Variants in RANBP2 observed in about 807,000 individuals in gnomAD.
RANBP2 encodes RAN binding protein 2, also known as E3 SUMO-protein ligase RanBP2.
A neutral mutation model predicts 303.6 loss-of-function variants in RANBP2; 57 were observed. The observed-to-expected ratio is 0.19, with a 90% CI of 0.15 to 0.23. The LOEUF is 0.23. Among genes scored for constraint, RANBP2 ranks in the 10% least tolerant of loss-of-function variants. The probability of loss-of-function intolerance (pLI) is 1.00; values close to 1 mark genes in which losing one functional copy is unlikely to be tolerated. For synonymous variants in RANBP2, 1,167 were observed against 1,301.5 expected (o/e 0.90, Z 2.23); for missense variants, 3,138 against 3,780.8 (o/e 0.83, Z 4.46).
the RANBP2 span, among the ~76,000 whole-genome samples, chr2:109,579,947 C>G: frequency 0.13 from 20,402 of 151,374 alleles, 1,849 homozygotes; most frequent in African/African-American, 0.26. Flanking sequence ...ATGGTGAAAC[C>G]CTGTCTCTAC....
chr2:108,727,617 T>C (rs1259702229), intron 1 of RANBP2, among the ~76,000 whole-genome samples: 2 of 150,966 alleles, frequency 1.3e-5, no homozygotes, highest in Non-Finnish European at 3.0e-5. Context: ...TTTTTTTTTT[T>C]TTTTTTGAGA....
At chr2:109,430,666 G>A in the RANBP2 span, among the ~76,000 whole-genome samples, 1 of 152,152 alleles carries the variant, frequency 6.6e-6, no homozygotes, top group Admixed American at 6.5e-5. Flanking sequence ...TTCCCTTAGT[G>A]GTATTTCCTC....
At position 108,764,181 on chromosome 2, in the gene RANBP2, T is replaced by G; in HGVS notation, c.3642T>G (p.Arg1214=). The G allele has an allele frequency of 6.2e-7, 1 of 1,614,058 alleles. No individual in the cohort carries two copies. Among genetic ancestry groups the G allele is most frequent in the Non-Finnish European group, 8.5e-7 (1 of 1,179,968 alleles). ...TAGAATCCAAAGAATGGAAAGAACG[T>G]GGGATTGGCAATGTAAAAATACTGA... is the stretch of plus-strand genomic sequence containing the variant. The part of the protein sequence containing the change: ...FDVESKEWKE[R]GIGNVKILRH... Residue 1214 remains arginine (R), a synonymous_variant, in exon 20 of 29, where the codon CGT becomes CGG. Transcript: ENST00000283195.
the RANBP2 span, among the ~76,000 whole-genome samples, chr2:109,557,645 G>A: frequency 6.6e-6 from 1 of 152,070 alleles, no homozygotes; most frequent in Non-Finnish European, 1.5e-5. Flanking sequence ...AAACTTACAA[G>A]GCCAATTTCA....
the RANBP2 span, chr2:109,501,364 AATAAAG>A: frequency 2.0e-6 from 1 of 507,786 alleles, no homozygotes; most frequent in East Asian, 2.9e-5. Context: ...AAAAATTAAA[AATAAAG>A]ATAAATAGAA....
the RANBP2 span, among the ~76,000 whole-genome samples, chr2:109,537,762 G>C: frequency 6.6e-6 from 1 of 151,962 alleles, no homozygotes; most frequent in Non-Finnish European, 1.5e-5. Context: ...CCTGGGCAAC[G>C]GGGCGAAACC....
At chr2:109,098,909 T>C in the RANBP2 span, among the ~76,000 whole-genome samples, 2 of 152,206 alleles carry the variant, frequency 1.3e-5, no homozygotes, top group Non-Finnish European at 1.5e-5. Context: ...AGTTGTGAAG[T>C]TGTAGATTGC....
chr2:108,751,737 A>G (rs1422726780), intron 11 of RANBP2, 34 bp downstream of exon 11: 1 of 1,611,576 alleles, frequency 6.2e-7, no homozygotes, highest in East Asian at 2.2e-5. Context: ...GCTTTCACTT[A>G]GTGCGTAGGT....
chr2:108,840,261 G>C, the RANBP2 span, among the ~76,000 whole-genome samples: 1 of 151,842 alleles, frequency 6.6e-6, no homozygotes, highest in Admixed American at 6.6e-5. Flanking sequence ...ATTTTGTTAA[G>C]GACTTTTGTT....
chr2:109,542,542 C>T, the RANBP2 span, among the ~76,000 whole-genome samples: 2 of 152,124 alleles, frequency 1.3e-5, no homozygotes, highest in Admixed American at 1.3e-4. Flanking sequence ...ACAAACACTC[C>T]CGCAGTGTCA....
At chr2:109,145,801 CAG>C in the RANBP2 span, among the ~76,000 whole-genome samples, 1 of 152,150 alleles carries the variant, frequency 6.6e-6, no homozygotes, top group Non-Finnish European at 1.5e-5. Flanking sequence ...GGCATGGGGT[CAG>C]GGGTGTAGTG....
chr2:109,270,600 G>C, the RANBP2 span, among the ~76,000 whole-genome samples: 2 of 152,288 alleles, frequency 1.3e-5, no homozygotes, highest in African/African-American at 4.8e-5. Flanking sequence ...TTCATCCCAG[G>C]AGGCCACGGG....
At chr2:108,735,431 C>T (rs1262496872) in intron 4 of RANBP2, 101 bp from the exon 5 acceptor site, 8 of 1,594,402 alleles carry the variant, frequency 5.0e-6, no homozygotes, top group Non-Finnish European at 6.8e-6. Flanking sequence ...GTGGCATCAT[C>T]ATAAAACTAG....
At chr2:109,505,194 G>A in the RANBP2 span, among the ~76,000 whole-genome samples, 47,662 of 152,120 alleles carry the variant, frequency 0.31, 9,652 homozygotes, top group African/African-American at 0.58. Flanking sequence ...GATCTCCAGA[G>A]AGGTGCATCT....
At chr2:109,175,883 G>A in the RANBP2 span, among the ~76,000 whole-genome samples, 1 of 152,122 alleles carries the variant, frequency 6.6e-6, no homozygotes, top group South Asian at 2.1e-4. Flanking sequence ...TATTTATTGG[G>A]TATGCACTAA....
At chr2:109,615,375 A>G in the RANBP2 span, 1 of 1,613,038 alleles carries the variant, frequency 6.2e-7, no homozygotes. Context: ...CCTGCTGGTC[A>G]AGCGGGACTT....
chr2:108,736,708 T>C (rs1695618209), intron 6 of RANBP2, among the ~76,000 whole-genome samples: 1 of 152,220 alleles, frequency 6.6e-6, no homozygotes, highest in Non-Finnish European at 1.5e-5. Context: ...AACTCAACTA[T>C]GTGATTTACC....
At chr2:109,293,965 G>A in the RANBP2 span, among the ~76,000 whole-genome samples, 1 of 152,160 alleles carries the variant, frequency 6.6e-6, no homozygotes. Context: ...AGCTTCCCTG[G>A]GTGGGGGTCT....
chr2:109,402,027 T>C, the RANBP2 span, among the ~76,000 whole-genome samples: 3 of 152,226 alleles, frequency 2.0e-5, no homozygotes, highest in Non-Finnish European at 4.4e-5. Context: ...ATAAAGCAGT[T>C]GCCGCCTGTC....
Sources: gnomAD v4.1 joint callset for allele counts (sites outside exome capture counted in the v4.1 genomes callset) on GRCh38, gnomAD v4.1.1 for gene constraint, MANE v1.5 for transcripts, NCBI Gene and HGNC (gene_info 2026-07-23, HGNC 2026-07-21) for gene names.